The following TMEM131 variants were observed in gnomAD, a reference collection of about 807,000 sequenced individuals.
TMEM131 encodes 2610524E03Rik.
TMEM131 carries 66 observed loss-of-function variants against 211.6 expected under a neutral mutation model. The observed-to-expected ratio is 0.31, with a 90% CI of 0.26 to 0.38. TMEM131 has a LOEUF of 0.38. TMEM131 is among the 10% of genes least tolerant of loss of function. The probability of loss-of-function intolerance (pLI) is 1.00; values close to 1 mark genes in which losing one functional copy is unlikely to be tolerated. For missense variants in TMEM131, 2,036 were observed against 2,299.3 expected (o/e 0.89, Z 2.34); for synonymous variants, 844 against 841.3 (o/e 1.00, Z -0.06).
rs78842460 is a variant in TMEM131 at position 97,932,664 on chromosome 2, T to A, written c.188-5177A>T. On this transcript the variant is annotated intron_variant, in intron 1 of 40. Coordinates refer to ENST00000186436, the MANE Select transcript of TMEM131 (RefSeq NM_015348.2). Reference sequence around the variant, plus strand: ...AAGTCATCTAAAAAGATCTGTAAACTTCAGTTATAAAATGTAGAACTAATG... The same window carrying A: ...AAGTCATCTAAAAAGATCTGTAAACATCAGTTATAAAATGTAGAACTAATG... Among the ~76,000 whole-genome samples the A allele has an allele frequency of 8.7e-4, 133 of 152,344 alleles. 1 individual carries two copies. Among genetic ancestry groups the A allele is most frequent in the African/African-American group, 3.1e-3 (129 of 41,584 alleles).
rs756181290 is a variant in TMEM131 at position 97,757,329 on chromosome 2, T to C, written c.5422A>G (p.Ile1808Val). 1 of 1,613,560 alleles carries C rather than the reference T, an allele frequency of 6.2e-7. No individual in the cohort carries two copies. The highest frequency in any genetic ancestry group is 8.5e-7 in the Non-Finnish European group (1 of 1,179,668). The change falls in exon 41 of 41, where the codon ATT becomes GTT. Residue 1808 changes from isoleucine to valine, a missense_variant. Physicochemically the swap from Ile to Val is conservative, Grantham distance 29 (BLOSUM62 3). Around this residue, in one of 3 missense-constraint regions of TMEM131, gnomAD observed 1,623 missense variants for 1,805.9 expected, o/e 0.90. Coordinates refer to ENST00000186436, the MANE Select transcript of TMEM131 (RefSeq NM_015348.2). ...GCGCTGCTAAGGTTGCTGGACCAAA[T>C]GGAGCTGCTGAATGGAGTGGTGGAC... Reference protein sequence around the residue: ...LWSTTPFSSSIWSSNLSSALP... With the variant: ...LWSTTPFSSSVWSSNLSSALP...
Position 97,812,510 on chromosome 2 carries a change from C to G in TMEM131, c.1774G>C (p.Glu592Gln), listed in dbSNP as rs1237445832. Residue 592 changes from glutamate (E) to glutamine (Q), a missense_variant, in exon 17 of 41, where the codon GAA becomes CAA. Glu to Gln is a conservative substitution (Grantham distance 29). This residue lies in a region of TMEM131 where 1,623 missense variants were observed against 1,805.9 expected (regional missense o/e 0.90). Coordinates refer to ENST00000186436, the MANE Select transcript of TMEM131 (RefSeq NM_015348.2). ...TTGCCTCTTTCCACAGCTACAAGTT[C>G]TATTGATAAACCGTCTCCTATGATA... The part of the protein sequence containing the change: ...WHIIGDGLSI[E>Q]LVAVERGNRT... The G allele has an allele frequency of 6.2e-7, 1 of 1,612,266 alleles. No individual in the cohort carries two copies. The highest frequency in any genetic ancestry group is 8.5e-7 in the Non-Finnish European group (1 of 1,179,344).
At chr2:97,769,591 T>A (rs1679365758) in intron 33 of TMEM131, among the ~76,000 whole-genome samples, 1 of 152,212 alleles carries the variant, frequency 6.6e-6, no homozygotes, top group Admixed American at 6.5e-5. Context: ...GAGTGTTATT[T>A]AAGCAGATTT....
rs1163977871 is a variant in TMEM131, at chr2:97,760,515, C to A, written c.5108+78G>T. ...AATTAGGGGAAAAATGCCCTGAAAC[C>A]CATTTATGGATAAAAAGGTGCTAAC... On this transcript the variant is annotated intron_variant, in intron 38 of 40. Coordinates refer to ENST00000186436, the MANE Select transcript of TMEM131 (RefSeq NM_015348.2). The A allele has an allele frequency of 2.4e-6, 3 of 1,274,132 alleles. No homozygotes were observed. The East Asian group carries it at 7.6e-5, about 32-fold the overall frequency. The allele number at this position is 1,274,132 out of a possible 1,614,324, so 78.9% of individuals were successfully genotyped here. A position where few individuals can be genotyped will look rare whatever the true frequency, so the allele number is the denominator to read the frequency against.
chr2:97,936,923 C>A (rs1432255959), intron 1 of TMEM131, among the ~76,000 whole-genome samples: 1 of 151,982 alleles, frequency 6.6e-6, no homozygotes, highest in African/African-American at 2.4e-5. Context: ...AACTAAAAGT[C>A]ACACCAAATG....
intron 31 of TMEM131, among the ~76,000 whole-genome samples, chr2:97,782,532 G>C (rs965749978): frequency 1.3e-5 from 2 of 152,048 alleles, no homozygotes; most frequent in African/African-American, 4.8e-5. Context: ...CCAACACCAA[G>C]ATGAGAGAGA....
At chr2:97,976,200 G>C (rs1331008440) in intron 1 of TMEM131, among the ~76,000 whole-genome samples, 1 of 152,064 alleles carries the variant, frequency 6.6e-6, no homozygotes, top group Non-Finnish European at 1.5e-5. Flanking sequence ...GAGGTCATAA[G>C]CAGTACAATC....
intron 1 of TMEM131, among the ~76,000 whole-genome samples, chr2:97,977,205 G>A (rs954317968): frequency 6.6e-6 from 1 of 152,176 alleles, no homozygotes; most frequent in Non-Finnish European, 1.5e-5. Context: ...CTCTTCAAAA[G>A]ACTGTTATGA....
At chr2:97,917,584 G>T (rs1676559077) in intron 2 of TMEM131, among the ~76,000 whole-genome samples, 1 of 152,228 alleles carries the variant, frequency 6.6e-6, no homozygotes, top group Non-Finnish European at 1.5e-5. Flanking sequence ...CTGACTCACA[G>T]TTCTGCAGGG....
intron 1 of TMEM131, among the ~76,000 whole-genome samples, chr2:97,946,925 C>CA (rs148031220): frequency 0.019 from 2,779 of 146,460 alleles, 117 homozygotes; most frequent in East Asian, 0.15. Context: ...TTTAAATATT[C>CA]AAAAAAAAAA....
chr2:97,850,586 G>GA (rs780858711), intron 5 of TMEM131, among the ~76,000 whole-genome samples: 2 of 151,718 alleles, frequency 1.3e-5, no homozygotes, highest in Non-Finnish European at 2.9e-5. Flanking sequence ...TAAAAGATGT[G>GA]AAAAAAACAT....
chr2:97,978,813 T>A (rs186079037), intron 1 of TMEM131, among the ~76,000 whole-genome samples: 10 of 152,324 alleles, frequency 6.6e-5, no homozygotes, highest in Admixed American at 6.5e-4. Flanking sequence ...CCTCCTCCTA[T>A]GAATCACAAA....
At chr2:97,855,031 G>A (rs1159347164) in intron 5 of TMEM131, among the ~76,000 whole-genome samples, 1 of 152,104 alleles carries the variant, frequency 6.6e-6, no homozygotes, top group African/African-American at 2.4e-5. Flanking sequence ...TCCCTCTGCT[G>A]CTGACTTCAC....
intron 2 of TMEM131, among the ~76,000 whole-genome samples, chr2:97,915,288 T>C (rs1250448931): frequency 1.3e-5 from 2 of 152,202 alleles, no homozygotes; most frequent in Non-Finnish European, 2.9e-5. Context: ...TATTTATCTT[T>C]ACATCTTCAC....
rs1315577489 is a variant in TMEM131, at chr2:97,806,856, G to A, written c.2056-1153C>T. Among the ~76,000 whole-genome samples, 4 of 152,114 alleles carry A rather than the reference G, an allele frequency of 2.6e-5. No homozygotes were observed. In the East Asian group the frequency reaches 7.8e-4, roughly 29 times the overall value. On this transcript the variant is annotated intron_variant, in intron 19 of 40. Coordinates refer to ENST00000186436, the MANE Select transcript of TMEM131 (RefSeq NM_015348.2). ...AAGGGCGCAATGACTGTGACACTGA[G>A]GCCAGCGCTCCTCATTTACAGCCCA...
At chr2:97,769,978 G>A (rs951860209) in intron 33 of TMEM131, among the ~76,000 whole-genome samples, 1 of 152,134 alleles carries the variant, frequency 6.6e-6, no homozygotes, top group Non-Finnish European at 1.5e-5. Context: ...CCACTCCTCT[G>A]GCTTTATCAC....
intron 22 of TMEM131, 130 bp downstream of exon 22, chr2:97,804,958 T>G (rs1270461655): frequency 1.7e-6 from 1 of 605,136 alleles, no homozygotes; most frequent in Non-Finnish European, 2.7e-6. Flanking sequence ...CTAATAACTT[T>G]CTGAAAATTA....
intron 38 of TMEM131, chr2:97,760,329 G>A: frequency 2.0e-6 from 1 of 508,106 alleles, no homozygotes; most frequent in African/African-American, 1.9e-5. Flanking sequence ...AGGAGAGTGA[G>A]AACAGGTGTA....
chr2:97,791,980 C>T (rs992155583), intron 31 of TMEM131, among the ~76,000 whole-genome samples: 2 of 152,134 alleles, frequency 1.3e-5, no homozygotes, highest in Non-Finnish European at 2.9e-5. Context: ...TGATTTGGCC[C>T]GCTAACTGTA....
Sources: allele counts gnomAD v4.1 joint callset (sites outside exome capture counted in the v4.1 genomes callset), GRCh38; gene constraint gnomAD v4.1.1; regional missense constraint gnomAD v4.1.1; transcripts MANE v1.5; gene names NCBI Gene and HGNC (gene_info 2026-07-23, HGNC 2026-07-21).